Variants in ZNF423 observed in about 807,000 individuals in gnomAD.
The protein encoded by ZNF423 is Ebf-associated zinc finger protein.
ZNF423 carries 12 observed loss-of-function variants against 95.8 expected under a neutral mutation model. The observed-to-expected ratio is 0.13, with a 90% CI of 0.08 to 0.20. The LOEUF is 0.20. Among genes scored for constraint, ZNF423 ranks in the 10% least tolerant of loss-of-function variants. ZNF423 has a pLI of 1.00. For missense variants in ZNF423, 1,316 were observed against 1,737.1 expected, an observed-to-expected ratio of 0.76 and a Z score of 4.31; for synonymous variants, 749 against 711.9, an observed-to-expected ratio of 1.05 and a Z score of -0.83.
intron 2 of ZNF423, among the ~76,000 whole-genome samples, chr16:49,732,217 T>A (rs2143405435): frequency 6.6e-6 from 1 of 152,278 alleles, no homozygotes; most frequent in South Asian, 2.1e-4. Context: ...CTGGTCTAGT[T>A]CACTTCCCTG....
intron 2 of ZNF423, among the ~76,000 whole-genome samples, chr16:49,781,030 G>A (rs2034203963): frequency 6.6e-6 from 1 of 152,240 alleles, no homozygotes; most frequent in Admixed American, 6.5e-5. Context: ...GGCAGCTCCA[G>A]GCAAGTATCG....
chr16:49,821,380 A>C (rs1390734973), intron 1 of ZNF423, among the ~76,000 whole-genome samples: 1 of 152,106 alleles, frequency 6.6e-6, no homozygotes, highest in African/African-American at 2.4e-5. Flanking sequence ...TAAATCCAGA[A>C]AGAAAAATGT....
chr16:49,655,725 C>T (rs1233039808), intron 3 of ZNF423, among the ~76,000 whole-genome samples: 1 of 152,170 alleles, frequency 6.6e-6, no homozygotes, highest in Non-Finnish European at 1.5e-5. Context: ...TTCCCAAATA[C>T]ACACCATGGA....
chr16:49,858,376 G>A (rs972354833), upstream of ZNF423, among the ~76,000 whole-genome samples: 3 of 151,950 alleles, frequency 2.0e-5, no homozygotes, highest in African/African-American at 7.2e-5. This position sits in a 1 kb window ranked among gnomAD's most constrained non-coding sequence, Gnocchi z 4.3. Context: ...GCTGATTGCC[G>A]AGGTAGATGC....
At chr16:49,543,942 C>G (rs1969348210) in intron 5 of ZNF423, among the ~76,000 whole-genome samples, 1 of 152,188 alleles carries the variant, frequency 6.6e-6, no homozygotes, top group South Asian at 2.1e-4. Context: ...CTGTGAGGAC[C>G]AGCAGAGGTG....
At chr16:49,745,630 T>C (rs1437122834) in intron 2 of ZNF423, among the ~76,000 whole-genome samples, 1 of 152,228 alleles carries the variant, frequency 6.6e-6, no homozygotes, top group African/African-American at 2.4e-5. Context: ...GTCTTCCCGT[T>C]CGCAGCGTGG....
At chr16:49,824,231 C>T (rs1345170564) in intron 1 of ZNF423, among the ~76,000 whole-genome samples, 4 of 152,140 alleles carry the variant, frequency 2.6e-5, no homozygotes, top group East Asian at 1.9e-4. Flanking sequence ...CCAGGCATTG[C>T]GTCTCCAGCC....
At chr16:49,746,781 C>A (rs1000721066) in intron 2 of ZNF423, among the ~76,000 whole-genome samples, 3 of 152,150 alleles carry the variant, frequency 2.0e-5, no homozygotes, top group Non-Finnish European at 4.4e-5. Context: ...CAAGACTGGG[C>A]GCTTTCTAAG....
chr16:49,729,969 C>T (rs2033121549), intron 3 of ZNF423, among the ~76,000 whole-genome samples: 1 of 152,090 alleles, frequency 6.6e-6, no homozygotes, highest in South Asian at 2.1e-4. Flanking sequence ...CATCAACAAC[C>T]CTGATGGAAG....
chr16:49,811,537 G>T (rs2034752539), intron 1 of ZNF423, among the ~76,000 whole-genome samples: 1 of 152,116 alleles, frequency 6.6e-6, no homozygotes, highest in Admixed American at 6.5e-5. Context: ...CCAATTTTAA[G>T]ACAGGCTGAC....
At chr16:49,794,332 G>A (rs747629509) in intron 1 of ZNF423, among the ~76,000 whole-genome samples, 1 of 151,076 alleles carries the variant, frequency 6.6e-6, no homozygotes, top group South Asian at 2.1e-4. Context: ...GCCTCCTAAA[G>A]TGCTGGGGTT....
chr16:49,805,491 C>A (rs973235453), intron 1 of ZNF423, among the ~76,000 whole-genome samples: 1 of 152,238 alleles, frequency 6.6e-6, no homozygotes, highest in African/African-American at 2.4e-5. Flanking sequence ...GCTGGGTCTA[C>A]ATGGCTCTGA....
chr16:49,502,826 C>T (rs146808205), intron 7 of ZNF423, among the ~76,000 whole-genome samples: 1 of 147,690 alleles, frequency 6.8e-6, no homozygotes, highest in Non-Finnish European at 1.5e-5. Flanking sequence ...CACCTGCCCC[C>T]GTCATGTGCC....
rs768749090 is a variant in ZNF423 at position 49,730,792 on chromosome 16, G to A, written c.280C>T (p.Arg94Trp). The change falls in exon 3 of 8, where the codon CGG becomes TGG. Residue 94 changes from arginine to tryptophan, a missense_variant. Physicochemically the swap from Arg to Trp is moderately radical, Grantham distance 101. Around this residue, in one of 6 missense-constraint regions of ZNF423, gnomAD observed 155 missense variants for 170.8 expected, o/e 0.91. Coordinates refer to ENST00000563137, the MANE Select transcript of ZNF423 (RefSeq NM_001379286.1). ...TTACCTCCAGGACAGCGGTGGGCCCGGTGGTCCGTCAGGTCTGCCAGAGAC... is the reference window on the plus strand; with the variant it reads ...TTACCTCCAGGACAGCGGTGGGCCCAGTGGTCCGTCAGGTCTGCCAGAGAC... Reference protein sequence around the residue: ...FESLADLTDHRAHRCPGDGDD... With the variant: ...FESLADLTDHWAHRCPGDGDD... 8.7e-6 allele frequency: 14 copies of A among 1,614,206 alleles called. No individual in the cohort carries two copies. The highest frequency in any genetic ancestry group is 1.3e-5 in the African/African-American group (1 of 75,056).
At chr16:49,680,007 G>A (rs932589002) in intron 3 of ZNF423, among the ~76,000 whole-genome samples, 12 of 152,240 alleles carry the variant, frequency 7.9e-5, no homozygotes, top group Non-Finnish European at 1.2e-4. Flanking sequence ...CCTACCTGTG[G>A]AAAAGAGCTA....
At chr16:49,690,786 C>A (rs995262033) in intron 3 of ZNF423, among the ~76,000 whole-genome samples, 6 of 152,260 alleles carry the variant, frequency 3.9e-5, no homozygotes, top group African/African-American at 9.6e-5. Context: ...TACCCCCGAG[C>A]GCTCCCAACA....
At chr16:49,824,348 A>G (rs1176990190) in intron 1 of ZNF423, among the ~76,000 whole-genome samples, 2 of 152,172 alleles carry the variant, frequency 1.3e-5, no homozygotes, top group African/African-American at 4.8e-5. Flanking sequence ...AGTAAGGTAC[A>G]GGCCCATGGT....
intron 1 of ZNF423, chr16:49,854,881 A>T (rs574335270): frequency 1.0e-6 from 1 of 985,044 alleles, no homozygotes; most frequent in South Asian, 4.7e-5. Flanking sequence ...CACCCCGGGG[A>T]GCCAGCACAG....
intron 1 of ZNF423, among the ~76,000 whole-genome samples, chr16:49,805,267 CTG>C (rs1419778028): frequency 2.0e-5 from 3 of 152,188 alleles, no homozygotes; most frequent in Non-Finnish European, 4.4e-5. Flanking sequence ...TGGCAGCAGA[CTG>C]TGCACATCAG....
Sources: allele counts gnomAD v4.1 joint callset (sites outside exome capture counted in the v4.1 genomes callset), GRCh38; gene constraint gnomAD v4.1.1; regional missense constraint gnomAD v4.1.1; non-coding constraint Gnocchi (gnomAD v3.1); transcripts MANE v1.5; gene names NCBI Gene and HGNC (gene_info 2026-07-23, HGNC 2026-07-21).